Variants in MMP26 observed in about 807,000 individuals in gnomAD.
The protein encoded by MMP26 is matrix metalloproteinase-26.
MMP26 carries 33 observed loss-of-function variants against 31.0 expected under a neutral mutation model. The ratio of observed to expected loss-of-function variants is 1.06; its 90% CI spans 0.81 to 1.42. The LOEUF (loss-of-function observed/expected upper bound fraction) is 1.42, where lower values mean the gene tolerates loss of function less well. MMP26 is among the 40% of genes most tolerant of loss of function. The pLI is 0.00. For missense variants in MMP26, 347 were observed against 316.1 expected (o/e 1.10, Z -0.74); for synonymous variants, 122 against 114.9 (o/e 1.06, Z -0.40).
intron 6 of MMP26, among the ~76,000 whole-genome samples, chr11:4,991,711 T>A (rs1362716638): frequency 6.6e-6 from 1 of 152,180 alleles, no homozygotes; most frequent in Non-Finnish European, 1.5e-5. Flanking sequence ...TTTCTCCTTA[T>A]CTCTTTGCTT....
intron 2 of MMP26, among the ~76,000 whole-genome samples, chr11:4,967,447 C>T (rs1269771260): frequency 6.6e-6 from 1 of 152,132 alleles, no homozygotes; most frequent in Non-Finnish European, 1.5e-5. Context: ...GGCCAAGAAG[C>T]CAAGCCAAGA....
rs144851068 is a variant in MMP26 at position 4,943,254 on chromosome 11, G to T, written c.-144-44814G>T. The T allele has an allele frequency of 1.4e-3, 265 of 188,288 alleles. 1 individual carries two copies. Among genetic ancestry groups the T allele is most frequent in the African/African-American group, 6.1e-3 (256 of 42,266 alleles). 11.7% of individuals were successfully genotyped at this position (188,288 alleles called of 1,614,324 possible). A position where few individuals can be genotyped will look rare whatever the true frequency, so the allele number is the denominator to read the frequency against. On this transcript the variant is annotated intron_variant, in intron 2 of 7. Transcript: ENST00000380390. ...AAAAAGTATTTGAACTTGCCTTTTG[G>T]TAAGGTTTACATCCTTTGCATTCAT...
At chr11:4,722,356 T>G (rs1200529975) in intron 1 of MMP26, among the ~76,000 whole-genome samples, 1 of 152,144 alleles carries the variant, frequency 6.6e-6, no homozygotes, top group Non-Finnish European at 1.5e-5. Context: ...GCAAAGATAA[T>G]GACTCCTTGA....
chr11:4,805,108 A>G (rs2133455814), intron 2 of MMP26, among the ~76,000 whole-genome samples: 1 of 152,298 alleles, frequency 6.6e-6, no homozygotes, highest in Admixed American at 6.5e-5. Flanking sequence ...AAACTTTTCC[A>G]CAGGTCCTTT....
intron 1 of MMP26, chr11:4,722,902 C>T: frequency 2.5e-6 from 2 of 788,736 alleles, no homozygotes; most frequent in Non-Finnish European, 2.3e-6. Context: ...TTGTGAGGCC[C>T]CCATAGGCCG....
intron 2 of MMP26, among the ~76,000 whole-genome samples, chr11:4,942,385 A>T (rs1270229264): frequency 6.6e-6 from 1 of 151,958 alleles, no homozygotes. Context: ...TTATTGGGCC[A>T]GCTAGACCTG....
At chr11:4,883,950 C>A (rs549946870) in intron 2 of MMP26, among the ~76,000 whole-genome samples, 13 of 152,082 alleles carry the variant, frequency 8.5e-5, no homozygotes, top group Non-Finnish European at 1.3e-4. Context: ...CCACCTCTCT[C>A]CTCCCCTTAT....
At chr11:4,966,441 A>G (rs1846596298) in intron 2 of MMP26, among the ~76,000 whole-genome samples, 1 of 152,160 alleles carries the variant, frequency 6.6e-6, no homozygotes, top group Non-Finnish European at 1.5e-5. Flanking sequence ...GCCTGATTCG[A>G]TATCTCCAGT....
At chr11:4,869,783 G>T (rs1248739256) in intron 2 of MMP26, among the ~76,000 whole-genome samples, 4 of 152,146 alleles carry the variant, frequency 2.6e-5, no homozygotes, top group Admixed American at 2.6e-4. Context: ...GTTTATTGCA[G>T]CACTATTCAC....
chr11:4,883,400 C>G (rs550832193), intron 2 of MMP26, among the ~76,000 whole-genome samples: 1 of 152,240 alleles, frequency 6.6e-6, no homozygotes, highest in East Asian at 1.9e-4. Flanking sequence ...CCTGGTGTCA[C>G]TTCTAGAGAG....
intron 2 of MMP26, chr11:4,832,921 G>A (rs370769715): frequency 2.0e-4 from 37 of 185,304 alleles, no homozygotes; most frequent in Admixed American, 4.0e-4. Context: ...ACCATGCGTC[G>A]CTTTGCTAAG....
intron 2 of MMP26, among the ~76,000 whole-genome samples, chr11:4,901,555 A>C (rs992989097): frequency 2.0e-5 from 3 of 151,492 alleles, no homozygotes; most frequent in Non-Finnish European, 4.4e-5. Flanking sequence ...TAGCACTCAA[A>C]GTGTGGCATA....
At chr11:4,789,869 T>C (rs1329841591) in intron 2 of MMP26, among the ~76,000 whole-genome samples, 4 of 152,062 alleles carry the variant, frequency 2.6e-5, no homozygotes, top group South Asian at 2.1e-4. Context: ...ACACAGAATA[T>C]GTTTACTTGG....
chr11:4,908,448 G>A lies in MMP26; in HGVS notation c.-144-79620G>A. Reference sequence around the variant, plus strand: ...TATGTAGTGCAGAATTTATAATAAAGTTGAGAATATAACTGAACAGGATAG... The same window carrying A: ...TATGTAGTGCAGAATTTATAATAAAATTGAGAATATAACTGAACAGGATAG... On this transcript the variant is annotated intron_variant, in intron 2 of 7. Coordinates refer to ENST00000380390, the MANE Select transcript of MMP26 (RefSeq NM_021801.5). 4.0e-6 allele frequency: 3 copies of A among 747,596 alleles called. No individual in the cohort carries two copies. In the South Asian group the frequency reaches 4.6e-5, roughly 11 times the overall value. The allele number at this position is 747,596 out of a possible 1,614,324, so 46.3% of individuals were successfully genotyped here.
rs1848123494 is a variant in MMP26, at chr11:4,727,844, T to A, written c.-217+22799T>A. Among the ~76,000 whole-genome samples the A allele has an allele frequency of 2.0e-5, 3 of 152,100 alleles. No homozygotes were observed. The South Asian group carries it at 6.2e-4, about 32-fold the overall frequency. ...ACAAAAAACAAACAAACAAAAATCT[T>A]CTCTCTTCAGAGTTAGTAGTAATCA... is the stretch of plus-strand genomic sequence containing the variant. On this transcript the variant is annotated intron_variant, in intron 1 of 7. Transcript: ENST00000380390.
intron 2 of MMP26, among the ~76,000 whole-genome samples, chr11:4,898,117 G>A (rs1044576039): frequency 6.6e-6 from 1 of 151,560 alleles, no homozygotes; most frequent in Non-Finnish European, 1.5e-5. Context: ...TATGGCTATG[G>A]ATTTTCTTAG....
intron 2 of MMP26, chr11:4,907,560 C>T (rs781626934): frequency 1.9e-6 from 3 of 1,614,060 alleles, no homozygotes; most frequent in South Asian, 2.2e-5. Context: ...TATTTCCTTG[C>T]CATGTTGGCT....
intron 2 of MMP26, among the ~76,000 whole-genome samples, chr11:4,881,089 G>C (rs1260870340): frequency 6.6e-6 from 1 of 152,142 alleles, no homozygotes; most frequent in African/African-American, 2.4e-5. Flanking sequence ...GCTCTGGTTA[G>C]CCAGCAATGT....
intron 2 of MMP26, among the ~76,000 whole-genome samples, chr11:4,778,419 T>C (rs757367153): frequency 4.6e-5 from 7 of 152,076 alleles, no homozygotes; most frequent in Non-Finnish European, 7.4e-5. Context: ...CATTGTGATA[T>C]CACTTTTGGT....
Sources: gnomAD v4.1 joint callset for allele counts (sites outside exome capture counted in the v4.1 genomes callset) on GRCh38, gnomAD v4.1.1 for gene constraint, MANE v1.5 for transcripts, NCBI Gene and HGNC (gene_info 2026-07-23, HGNC 2026-07-21) for gene names.